The following DMD variants were observed in gnomAD, a reference collection of about 807,000 sequenced individuals.
The protein encoded by DMD is dystrophin, also known as mutant dystrophin.
A neutral mutation model predicts 330.1 loss-of-function variants in DMD; 63 were observed. That is an observed-to-expected ratio of 0.19 (90% confidence interval 0.16 to 0.24). DMD has a LOEUF of 0.24. DMD is among the 10% of genes least tolerant of loss of function. The pLI, the probability that DMD is intolerant of heterozygous loss-of-function variation, is 1.00. For missense variants in DMD, 3,344 were observed against 2,684.1 expected (o/e 1.25, Z -5.43); for synonymous variants, 1,223 against 959.8 (o/e 1.27, Z -5.07).
intron 9 of DMD, among the ~76,000 whole-genome samples, chrX:32,684,018 T>TACATACAC (rs1556916721): frequency 1.4e-5 from 1 of 70,950 alleles, no homozygotes; most frequent in African/African-American, 8.7e-5. Context: ...CACACATACA[T>TACATACAC]ACACACACAC....
intron 59 of DMD, among the ~76,000 whole-genome samples, chrX:31,463,470 C>T (rs2066659661): frequency 1.8e-5 from 2 of 111,481 alleles, no homozygotes; most frequent in African/African-American, 6.5e-5. Flanking sequence ...GGTGTCAATG[C>T]TAACTGTTAA....
intron 34 of DMD, among the ~76,000 whole-genome samples, chrX:32,378,660 A>T (rs896408554): frequency 5.4e-5 from 6 of 111,173 alleles, no homozygotes; most frequent in Admixed American, 1.9e-4. Flanking sequence ...TTGTCTAAAA[A>T]TTTTTTAAAA....
chrX:32,115,389 C>T (rs757317460), intron 44 of DMD, among the ~76,000 whole-genome samples: 3 of 111,089 alleles, frequency 2.7e-5, no homozygotes, highest in Non-Finnish European at 5.7e-5. Flanking sequence ...GCATGTGCCA[C>T]CACACCCGAT....
rs184504324 is a variant in DMD, at chrX:32,144,123, A to C, written c.6438+72793T>G. ...GAAATCTAGAAATTCCTAAGGCAAAATCTAGGTGACACAATTATAGAAGAT... is the reference window on the plus strand; with the variant it reads ...GAAATCTAGAAATTCCTAAGGCAAACTCTAGGTGACACAATTATAGAAGAT... On this transcript the variant is annotated intron_variant, in intron 44 of 78. Transcript: ENST00000357033. Among the ~76,000 whole-genome samples, 468 of 111,840 alleles carry C rather than the reference A, an allele frequency of 4.2e-3. 1 individual carries two copies. The highest frequency in any genetic ancestry group is 0.014 in the African/African-American group (437 of 30,793).
At chrX:32,771,667 A>T (rs1488458541) in intron 7 of DMD, among the ~76,000 whole-genome samples, 1 of 111,652 alleles carries the variant, frequency 9.0e-6, no homozygotes, top group Non-Finnish European at 1.9e-5. Context: ...ATAACTAAAT[A>T]GTATTCCCTG....
At chrX:32,596,256 A>G (rs1411296603) in intron 12 of DMD, among the ~76,000 whole-genome samples, 1 of 108,592 alleles carries the variant, frequency 9.2e-6, no homozygotes, top group Non-Finnish European at 1.9e-5. Flanking sequence ...TCTTGATCCA[A>G]CAAACCGGTC....
rs765612662 is a variant in DMD at position 32,967,130 on chromosome X, C to G, written c.93+53009G>C. 1.4e-3 allele frequency among the ~76,000 whole-genome samples: 154 copies of G among 111,851 alleles called. 1 individual carries two copies. Among genetic ancestry groups the G allele is most frequent in the South Asian group, 0.013 (35 of 2,596 alleles). On this transcript the variant is annotated intron_variant, in intron 2 of 78. Coordinates refer to ENST00000357033, the MANE Select transcript of DMD (RefSeq NM_004006.3). ...ACTGGTGATGTTATTCATCCGTTTC[C>G]TGAACCAGGAACATAGGAGCCCCTT...
chrX:32,055,814 T>C (rs1320262225), intron 44 of DMD, among the ~76,000 whole-genome samples: 1 of 111,843 alleles, frequency 8.9e-6, no homozygotes, highest in South Asian at 3.7e-4. Context: ...CCAGTGGCTC[T>C]ACTATTTTTC....
chrX:31,592,522 TCA>T (rs112507603), intron 55 of DMD, among the ~76,000 whole-genome samples: 6,541 of 105,335 alleles, frequency 0.062, 264 homozygotes, highest in Admixed American at 0.17. Context: ...GAAAAGTGTC[TCA>T]CACACACACA....
chrX:32,321,880 C>T (rs896422965), intron 41 of DMD, among the ~76,000 whole-genome samples: 3 of 111,001 alleles, frequency 2.7e-5, no homozygotes, highest in East Asian at 2.8e-4. Flanking sequence ...CTAGAAGATA[C>T]GGAAGGTACA....
At position 32,644,106 on chromosome X, in the gene DMD, T is replaced by C. The variant is rs41303189; in HGVS notation, c.1331+26A>G. ...AAGCTTCCAAAACTTGTTAGTCTTC[T>C]TAATTAAAAACAAATAAGGACTTAC... On this transcript the variant is annotated intron_variant, in intron 11 of 78. Coordinates refer to ENST00000357033, the MANE Select transcript of DMD (RefSeq NM_004006.3). 10,273 of 1,170,159 alleles carry C rather than the reference T, an allele frequency of 8.8e-3. 50 individuals carry two copies. Among genetic ancestry groups the C allele is most frequent in the South Asian group, 0.036 (1,936 of 53,869 alleles).
chrX:33,062,483 A>G (rs1304931324), intron 1 of DMD, among the ~76,000 whole-genome samples: 1 of 111,745 alleles, frequency 8.9e-6, no homozygotes, highest in Non-Finnish European at 1.9e-5. Flanking sequence ...TTATTTATCT[A>G]TTTATTTTTG....
intron 64 of DMD, among the ~76,000 whole-genome samples, chrX:31,219,200 C>A (rs182381807): frequency 0.022 from 2,440 of 111,150 alleles, 65 homozygotes; most frequent in African/African-American, 0.076. Flanking sequence ...CTTCTCCTAC[C>A]CAACAGGGAC....
chrX:32,847,253 T>C (rs986450606), intron 3 of DMD, among the ~76,000 whole-genome samples: 2 of 111,891 alleles, frequency 1.8e-5, no homozygotes, highest in Non-Finnish European at 3.8e-5. Flanking sequence ...TGTACACATG[T>C]GCATATGTAT....
At chrX:31,709,470 T>A (rs1223223869) in intron 52 of DMD, among the ~76,000 whole-genome samples, 1 of 110,924 alleles carries the variant, frequency 9.0e-6, no homozygotes, top group Non-Finnish European at 1.9e-5. Flanking sequence ...TTTAATTTAA[T>A]CTAGAAAAAA....
chrX:32,637,231 C>G (rs1191196265), intron 11 of DMD, among the ~76,000 whole-genome samples: 1 of 111,522 alleles, frequency 9.0e-6, no homozygotes, highest in Non-Finnish European at 1.9e-5. Flanking sequence ...GAAATAGAAG[C>G]TCACTCTCAA....
chrX:31,726,088 G>A (rs757121729), intron 52 of DMD, among the ~76,000 whole-genome samples: 179 of 112,003 alleles, frequency 1.6e-3, no homozygotes, highest in African/African-American at 5.1e-3. Context: ...TGAGCAATTC[G>A]AATATTAGAA....
chrX:32,949,141 C>G (rs765631690), intron 2 of DMD, among the ~76,000 whole-genome samples: 1 of 110,057 alleles, frequency 9.1e-6, no homozygotes, highest in Non-Finnish European at 1.9e-5. Context: ...AATACTAAAA[C>G]TACACCCATC....
At chrX:32,530,672 C>T (rs2047395436) in intron 17 of DMD, among the ~76,000 whole-genome samples, 1 of 111,889 alleles carries the variant, frequency 8.9e-6, no homozygotes, top group Non-Finnish European at 1.9e-5. Flanking sequence ...TGTGAAAACA[C>T]GTGGGCAAAA....
Sources: gnomAD v4.1 joint callset for allele counts (sites outside exome capture counted in the v4.1 genomes callset) on GRCh38, gnomAD v4.1.1 for gene constraint, MANE v1.5 for transcripts, NCBI Gene and HGNC (gene_info 2026-07-23, HGNC 2026-07-21) for gene names.